The following SLC2A6 variants were observed in gnomAD, a reference collection of about 807,000 sequenced individuals.
SLC2A6 encodes solute carrier family 2 member 6.
A neutral mutation model predicts 47.8 loss-of-function variants in SLC2A6; 39 were observed. That is an observed-to-expected ratio of 0.82 (90% CI 0.63 to 1.07). The LOEUF (loss-of-function observed/expected upper bound fraction) is 1.07. Ranked by LOEUF, SLC2A6 falls within the 50% of genes least tolerant of loss-of-function variation. The pLI, the probability that SLC2A6 is intolerant of heterozygous loss-of-function variation, is 0.00. For missense variants in SLC2A6, 650 were observed against 707.6 expected, an observed-to-expected ratio of 0.92 and a Z score of 0.92; for synonymous variants, 346 against 324.1, an observed-to-expected ratio of 1.07 and a Z score of -0.73.
Position 133,477,385 on chromosome 9 carries a change from C to T in SLC2A6, c.256-144G>A. On this transcript the variant is annotated intron_variant, in intron 2 of 9. Coordinates refer to ENST00000371899, the MANE Select transcript of SLC2A6 (RefSeq NM_017585.4). ...AAGTCAAGCACTTGAAACAGGGAGC[C>T]TCCTGTCTTCAAGGAACAGCCATTT... is the stretch of plus-strand genomic sequence containing the variant. The T allele has an allele frequency of 6.7e-6, 5 of 743,650 alleles. No homozygotes were observed. The South Asian group carries it at 6.8e-5, about 10-fold the overall frequency. The allele number at this position is 743,650 out of a possible 1,614,324, so 46.1% of individuals were successfully genotyped here.
Position 133,478,572 on chromosome 9 carries a change from C to T in SLC2A6, c.93-156G>A, listed in dbSNP as rs587651375. 4 of 772,136 alleles carry T rather than the reference C, an allele frequency of 5.2e-6. No individual in the cohort carries two copies. In the East Asian group the frequency reaches 1.1e-4, roughly 21 times the overall value. 47.8% of individuals were successfully genotyped at this position (772,136 alleles called of 1,614,324 possible). ...CGTTCCCAGGGCCTGAGCCCCAGCTCCCCTGGGAAATTCCCAGGCCATTGT... is the reference window on the plus strand; with the variant it reads ...CGTTCCCAGGGCCTGAGCCCCAGCTTCCCTGGGAAATTCCCAGGCCATTGT... On this transcript the variant is annotated intron_variant, in intron 1 of 9. Coordinates refer to ENST00000371899, the MANE Select transcript of SLC2A6 (RefSeq NM_017585.4).
Position 133,471,968 on chromosome 9 carries a change from A to C in SLC2A6, c.*53T>G. ...GTCCCAGGGTGCAGGTTTGTAGCCA[A>C]CACAGAGGCCCAGCCACTGGGGGTT... On this transcript the variant is annotated 3_prime_UTR_variant, in exon 10 of 10. Coordinates refer to ENST00000371899, the MANE Select transcript of SLC2A6 (RefSeq NM_017585.4). The C allele has an allele frequency of 6.3e-7, 1 of 1,584,532 alleles. No homozygotes were observed. Among genetic ancestry groups the C allele is most frequent in the Non-Finnish European group, 8.6e-7 (1 of 1,161,946 alleles).
At position 133,473,967 on chromosome 9, in the gene SLC2A6, GC is replaced by G. The variant is rs1843840183; in HGVS notation, c.1036+12del. On this transcript the variant is annotated intron_variant, in intron 7 of 9. Coordinates refer to ENST00000371899, the MANE Select transcript of SLC2A6 (RefSeq NM_017585.4). ...GAGGAGTGGGGCAGGAGGGCTGCCT[GC>G]AGGGTGCTTACCTGAGACGAAGAGC... 6.3e-7 allele frequency: 1 copy of G among 1,589,380 alleles called. No individual in the cohort carries two copies. Among genetic ancestry groups the G allele is most frequent in the African/African-American group, 1.3e-5 (1 of 74,616 alleles).
chr9:133,472,701 G>A (rs1234414020), intron 9 of SLC2A6, among the ~76,000 whole-genome samples: 4 of 152,322 alleles, frequency 2.6e-5, no homozygotes, highest in South Asian at 2.1e-4. Flanking sequence ...CACAGGGCCC[G>A]TAGTTTTGAA....
At chr9:133,478,119 G>A (rs994099413) in intron 2 of SLC2A6, 135 bp downstream of exon 2, 5 of 879,414 alleles carry the variant, frequency 5.7e-6, no homozygotes, top group African/African-American at 5.1e-5. Flanking sequence ...CTAGTGGCCT[G>A]GATGGCTGGG....
At position 133,471,903 on chromosome 9, in the gene SLC2A6, C is replaced by T; in HGVS notation, c.*118G>A. On this transcript the variant is annotated 3_prime_UTR_variant, in exon 10 of 10. Transcript: ENST00000371899. ...CTGAGGCCCCATCACACTGCTCTTC[C>T]TGTGCTCTGGCTGGTGGCAGGGATG... 1.6e-6 allele frequency: 2 copies of T among 1,255,060 alleles called. 1 individual carries two copies. The highest frequency in any genetic ancestry group is 2.9e-5 in the South Asian group (2 of 69,296). The allele number at this position is 1,255,060 out of a possible 1,614,324, so 77.7% of individuals were successfully genotyped here.
Position 133,473,455 on chromosome 9 carries a change from G to A in SLC2A6, c.1182C>T (p.Leu394=). The A allele has an allele frequency of 6.2e-7, 1 of 1,606,212 alleles. No homozygotes were observed. Among genetic ancestry groups the A allele is most frequent in the South Asian group, 1.1e-5 (1 of 89,878 alleles). The change falls in exon 8 of 10, where the codon CTC becomes CTT. Residue 394 remains leucine (L), a synonymous_variant. Transcript: ENST00000371899. ...TGGTGGCCAGCAGGGGCACCAGGGT[G>A]AGGTAGCCAGCGGGTGCTGCCAGGG... is the stretch of plus-strand genomic sequence containing the variant. The part of the protein sequence containing the change: ...AQPLAAPAGY[L]TLVPLLATML...
intron 8 of SLC2A6, 56 bp from the exon 9 acceptor site, chr9:133,473,306 T>C: frequency 6.5e-7 from 1 of 1,546,168 alleles, no homozygotes; most frequent in Non-Finnish European, 8.7e-7. Flanking sequence ...GGCGGCTGTG[T>C]CTGTCTCCGC....
chr9:133,475,259 G>T lies in SLC2A6; in HGVS notation c.774+141C>A, dbSNP rs983121981. 8.8e-6 allele frequency: 12 copies of T among 1,369,050 alleles called. No individual in the cohort carries two copies. The African/African-American group carries it at 1.3e-4, about 15-fold the overall frequency. The allele number at this position is 1,369,050 out of a possible 1,614,324, so 84.8% of individuals were successfully genotyped here. ...GCTTACCAGGCCACCCAGGCTCTGG[G>T]AACAGCCCCCCACCCCAACCCAGGC... On this transcript the variant is annotated intron_variant, in intron 5 of 9. Coordinates refer to ENST00000371899, the MANE Select transcript of SLC2A6 (RefSeq NM_017585.4).
Position 133,473,589 on chromosome 9 carries a change from A to C in SLC2A6, c.1048T>G (p.Phe350Val), listed in dbSNP as rs1554802358. Reference protein sequence around the residue: ...VLLFVSAAIMFAANLTLGLYI... With the variant: ...VLLFVSAAIMVAANLTLGLYI... Reference sequence around the variant, plus strand: ...AGCCCCAGAGTCAGGTTGGCAGCAAACATGATGGCCGCTGTGGACAGACAG... The same window carrying C: ...AGCCCCAGAGTCAGGTTGGCAGCAACCATGATGGCCGCTGTGGACAGACAG... The change falls in exon 8 of 10, where the codon TTT (phenylalanine) becomes GTT (valine). Residue 350 changes from phenylalanine to valine, a missense_variant. Phe to Val is a conservative substitution (Grantham distance 50). Transcript: ENST00000371899. 2.7e-5 allele frequency: 41 copies of C among 1,534,604 alleles called. No homozygotes were observed. Among genetic ancestry groups the C allele is most frequent in the Non-Finnish European group, 3.6e-5 (41 of 1,140,990 alleles).
chr9:133,478,885 C>T, intron 1 of SLC2A6, 83 bp downstream of exon 1: 4 of 1,302,454 alleles, frequency 3.1e-6, no homozygotes, highest in Non-Finnish European at 3.1e-6. Context: ...AGGGGAGGCC[C>T]AGGGCGGGAG....
chr9:133,473,153 G>T lies in SLC2A6; in HGVS notation c.1320C>A (p.Ala440=). 1 of 1,611,664 alleles carries T rather than the reference G, an allele frequency of 6.2e-7. No homozygotes were observed. Among genetic ancestry groups the T allele is most frequent in the African/African-American group, 1.3e-5 (1 of 74,984 alleles). Residue 440 remains alanine (A), a synonymous_variant, in exon 9 of 10, where the codon GCC becomes GCA. Transcript: ENST00000371899. ...RGVASGLCVL[A]SWLTAFVLTK... ...TGAGGACGAAGGCGGTGAGCCAGCTGGCCAGCACGCAGAGCCCTGAGGCCA... is the reference window on the plus strand; with the variant it reads ...TGAGGACGAAGGCGGTGAGCCAGCTTGCCAGCACGCAGAGCCCTGAGGCCA...
intron 3 of SLC2A6, 159 bp from the exon 4 acceptor site, chr9:133,476,495 G>T (rs587694954): frequency 3.1e-6 from 2 of 642,422 alleles, no homozygotes; most frequent in African/African-American, 1.8e-5. Flanking sequence ...GACCTTGGGC[G>T]GCCTGCCTGA....
intron 4 of SLC2A6, 200 bp downstream of exon 4, chr9:133,476,037 C>A (rs1349841002): frequency 3.6e-6 from 2 of 548,406 alleles, no homozygotes; most frequent in Non-Finnish European, 6.4e-6. Flanking sequence ...CAGCTAGAGA[C>A]TGGGCCTGTG....
At chr9:133,473,873 T>G (rs1020431422) in intron 7 of SLC2A6, 107 bp downstream of exon 7, 2 of 943,638 alleles carry the variant, frequency 2.1e-6, no homozygotes, top group African/African-American at 1.7e-5. Context: ...GCAGGTGCTC[T>G]GCAGTTCCCA....
chr9:133,473,401 A>G lies in SLC2A6; in HGVS notation c.1222+14T>C. ...CCAAGACAGCCTGCCCCTCTGAGCC[A>G]CCACCACACCTACCCATGATGAAGA... On this transcript the variant is annotated intron_variant, in intron 8 of 9. Transcript: ENST00000371899. 6.3e-7 allele frequency: 1 copy of G among 1,583,322 alleles called. No individual in the cohort carries two copies. The highest frequency in any genetic ancestry group is 8.6e-7 in the Non-Finnish European group (1 of 1,164,566).
intron 7 of SLC2A6, 120 bp from the exon 8 acceptor site, chr9:133,473,720 AC>A: frequency 9.3e-7 from 1 of 1,074,352 alleles, no homozygotes; most frequent in Non-Finnish European, 1.3e-6. Context: ...GGGACTAGAG[AC>A]CCCCAGCAGG....
At chr9:133,472,457 G>A (rs782716763) in intron 9 of SLC2A6, among the ~76,000 whole-genome samples, 35 of 151,884 alleles carry the variant, frequency 2.3e-4, no homozygotes, top group Non-Finnish European at 4.0e-4. Flanking sequence ...CCTACCCAGC[G>A]CTGGCATCCC....
rs1428552161 is a variant in SLC2A6, at chr9:133,473,425, G to A, written c.1212C>T (p.Leu404=). 5 of 1,601,372 alleles carry A rather than the reference G, an allele frequency of 3.1e-6. No individual in the cohort carries two copies. The highest frequency in any genetic ancestry group is 4.3e-6 in the Non-Finnish European group (5 of 1,174,822). Residue 404 remains leucine, a synonymous_variant, in exon 8 of 10, where the codon CTC becomes CTT. Transcript: ENST00000371899. ...LTLVPLLATM[L]FIMGYAVGWG... ...CACCACCACACCTACCCATGATGAA[G>A]AGCATGGTGGCCAGCAGGGGCACCA...
Sources: allele counts gnomAD v4.1 joint callset (sites outside exome capture counted in the v4.1 genomes callset), GRCh38; gene constraint gnomAD v4.1.1; transcripts MANE v1.5; gene names NCBI Gene and HGNC (gene_info 2026-07-23, HGNC 2026-07-21).